The following AFG2A variants were observed in gnomAD, a reference collection of about 807,000 sequenced individuals.
The protein encoded by AFG2A is ATPase family gene 2 protein homolog A.
chr4:123,034,167 TG>T, the AFG2A span, among the ~76,000 whole-genome samples: 2 of 152,074 alleles, frequency 1.3e-5, no homozygotes, highest in Non-Finnish European at 2.9e-5. Context: ...TTGTGGTATA[TG>T]GAAACTCCCA....
At chr4:123,270,561 TA>T in the AFG2A span, among the ~76,000 whole-genome samples, 1 of 152,220 alleles carries the variant, frequency 6.6e-6, no homozygotes, top group Non-Finnish European at 1.5e-5. Context: ...CCCATTTACT[TA>T]TTCTTTTTAG....
At chr4:123,111,195 C>G in the AFG2A span, among the ~76,000 whole-genome samples, 63 of 152,114 alleles carry the variant, frequency 4.1e-4, no homozygotes, top group Middle Eastern at 6.8e-3. Context: ...TTCACATCTT[C>G]ATAACATGTA....
the AFG2A span, among the ~76,000 whole-genome samples, chr4:123,289,123 A>G: frequency 1.3e-5 from 2 of 152,116 alleles, no homozygotes; most frequent in Admixed American, 6.5e-5. Context: ...CCCAAATAGT[A>G]TACATTGTAC....
the AFG2A span, among the ~76,000 whole-genome samples, chr4:123,132,780 CT>C: frequency 0.13 from 17,054 of 128,976 alleles, 838 homozygotes; most frequent in East Asian, 0.38. Context: ...GATTTCAATC[CT>C]TTTTTTTTTT....
At chr4:123,166,254 A>G in the AFG2A span, among the ~76,000 whole-genome samples, 2 of 152,208 alleles carry the variant, frequency 1.3e-5, no homozygotes, top group Non-Finnish European at 2.9e-5. Context: ...TCAGCTTCAG[A>G]CACAGCCAGG....
At chr4:123,156,995 A>G in the AFG2A span, among the ~76,000 whole-genome samples, 2 of 151,694 alleles carry the variant, frequency 1.3e-5, no homozygotes, top group African/African-American at 4.8e-5. Flanking sequence ...TGGCAACAAC[A>G]CTGAATGATC....
the AFG2A span, among the ~76,000 whole-genome samples, chr4:123,068,152 T>C: frequency 1.3e-4 from 20 of 152,336 alleles, no homozygotes; most frequent in East Asian, 2.7e-3. Flanking sequence ...CATTTCATTA[T>C]GTTAGTGATT....
the AFG2A span, among the ~76,000 whole-genome samples, chr4:123,035,367 G>C: frequency 7.3e-5 from 11 of 149,730 alleles, no homozygotes; most frequent in Non-Finnish European, 1.5e-4. Context: ...TTAGAGTTTT[G>C]TTTTTTTTTA....
the AFG2A span, among the ~76,000 whole-genome samples, chr4:123,008,111 TG>T: frequency 6.6e-6 from 1 of 152,194 alleles, no homozygotes; most frequent in Non-Finnish European, 1.5e-5. Flanking sequence ...ATTTGGCTCA[TG>T]GTTCTGCAGG....
the AFG2A span, among the ~76,000 whole-genome samples, chr4:123,308,239 G>C: frequency 6.6e-6 from 1 of 152,160 alleles, no homozygotes; most frequent in Non-Finnish European, 1.5e-5. Context: ...ATGCAGAGTA[G>C]TGCTCCAAAC....
chr4:123,044,922 T>A, the AFG2A span, among the ~76,000 whole-genome samples: 38 of 152,188 alleles, frequency 2.5e-4, no homozygotes, highest in South Asian at 7.9e-3. Flanking sequence ...AAGCTTCATT[T>A]GGTTCTTTTT....
At chr4:123,169,623 C>T in the AFG2A span, among the ~76,000 whole-genome samples, 582 of 152,182 alleles carry the variant, frequency 3.8e-3, 2 homozygotes, top group Non-Finnish European at 6.3e-3. Context: ...GGATTACAGG[C>T]GTGTGCCACC....
the AFG2A span, among the ~76,000 whole-genome samples, chr4:123,185,990 G>A: frequency 6.6e-6 from 1 of 152,120 alleles, no homozygotes; most frequent in African/African-American, 2.4e-5. Flanking sequence ...AGGTCAAGTT[G>A]GAACATGGAT....
At chr4:123,106,969 T>C in the AFG2A span, among the ~76,000 whole-genome samples, 2 of 152,226 alleles carry the variant, frequency 1.3e-5, no homozygotes, top group Non-Finnish European at 2.9e-5. Context: ...CTCCACACAC[T>C]GATAACAGGT....
At chr4:123,056,311 T>A in the AFG2A span, 2 of 1,389,554 alleles carry the variant, frequency 1.4e-6, no homozygotes, top group South Asian at 2.8e-5. Flanking sequence ...TTGTGTATAT[T>A]TTTTCTACTT....
chr4:123,025,394 G>T, the AFG2A span, among the ~76,000 whole-genome samples: 2 of 152,210 alleles, frequency 1.3e-5, no homozygotes, highest in South Asian at 4.1e-4. Flanking sequence ...ATGCTGTGAT[G>T]CAGGAGAGCA....
the AFG2A span, among the ~76,000 whole-genome samples, chr4:123,083,763 A>G: frequency 6.6e-6 from 1 of 151,518 alleles, no homozygotes; most frequent in Non-Finnish European, 1.5e-5. Flanking sequence ...TATGGGCAAT[A>G]TTTGTCTGTA....
chr4:123,031,802 A>G, the AFG2A span, among the ~76,000 whole-genome samples: 2 of 152,358 alleles, frequency 1.3e-5, no homozygotes, highest in South Asian at 4.1e-4. Flanking sequence ...TCCTCTATGC[A>G]TCTTTTCTGA....
At chr4:122,993,940 C>T in the AFG2A span, among the ~76,000 whole-genome samples, 4 of 151,944 alleles carry the variant, frequency 2.6e-5, no homozygotes, top group African/African-American at 7.2e-5. Flanking sequence ...CAGGTTCTTA[C>T]CTTTTATTTA....
Sources: allele counts gnomAD v4.1 joint callset (sites outside exome capture counted in the v4.1 genomes callset), GRCh38; gene constraint gnomAD v4.1.1; transcripts MANE v1.5; gene names NCBI Gene and HGNC (gene_info 2026-07-23, HGNC 2026-07-21).